WWOX: variants seen among roughly 807,000 people sequenced by gnomAD.
WWOX encodes WW domain containing oxidoreductase, also known as WW domain-containing oxidoreductase.
A neutral mutation model predicts 46.2 loss-of-function variants in WWOX; 69 were observed. That is an observed-to-expected ratio of 1.49 (90% CI 1.23 to 1.82). The LOEUF is 1.82. Ranked by LOEUF, WWOX falls within the 40% of genes most tolerant of loss-of-function variation. WWOX has a pLI of 0.00. For synonymous variants in WWOX, 359 were observed against 202.6 expected, an observed-to-expected ratio of 1.77 and a Z score of -6.56; for missense variants, 919 against 542.6, an observed-to-expected ratio of 1.69 and a Z score of -6.89.
chr16:78,133,199 T>TAAA (rs1484136670), intron 4 of WWOX, among the ~76,000 whole-genome samples: 1 of 152,214 alleles, frequency 6.6e-6, no homozygotes, highest in Non-Finnish European at 1.5e-5. Context: ...GGATGCTTTT[T>TAAA]AAAAAACCTT....
intron 8 of WWOX, among the ~76,000 whole-genome samples, chr16:79,104,049 G>C (rs577475431): frequency 1.9e-5 from 2 of 102,866 alleles, no homozygotes; most frequent in Non-Finnish European, 2.0e-5. Context: ...GGGGGGGGGG[G>C]GCGGGTGGTG....
chr16:78,410,719 C>A (rs59649684), intron 6 of WWOX, among the ~76,000 whole-genome samples: 1 of 148,716 alleles, frequency 6.7e-6, no homozygotes, highest in Non-Finnish European at 1.5e-5. Flanking sequence ...GGCTGGAGAA[C>A]AGCTTCAAAA....
intron 5 of WWOX, among the ~76,000 whole-genome samples, chr16:78,366,427 G>A (rs2081537892): frequency 6.6e-6 from 1 of 152,236 alleles, no homozygotes; most frequent in Middle Eastern, 3.4e-3. Context: ...TAAAACAACA[G>A]ACACTCTAAG....
At chr16:78,364,293 G>A (rs1378731998) in intron 5 of WWOX, among the ~76,000 whole-genome samples, 2 of 152,188 alleles carry the variant, frequency 1.3e-5, no homozygotes, top group Non-Finnish European at 2.9e-5. Flanking sequence ...AGCCACTAAA[G>A]GGGGAATTGG....
intron 8 of WWOX, among the ~76,000 whole-genome samples, chr16:78,948,006 A>T (rs1222787448): frequency 6.6e-6 from 1 of 152,154 alleles, no homozygotes; most frequent in Non-Finnish European, 1.5e-5. Context: ...AGGCAGAGGG[A>T]GGAAGGGTGG....
At chr16:78,353,092 C>A (rs998237611) in intron 5 of WWOX, among the ~76,000 whole-genome samples, 2 of 147,352 alleles carry the variant, frequency 1.4e-5, no homozygotes, top group African/African-American at 5.4e-5. Flanking sequence ...AAATAAAATA[C>A]TGTCTGTTTT....
intron 8 of WWOX, among the ~76,000 whole-genome samples, chr16:79,106,961 C>A (rs2049323072): frequency 6.6e-6 from 1 of 152,056 alleles, no homozygotes; most frequent in Middle Eastern, 3.4e-3. Flanking sequence ...GTGCCCCCCG[C>A]AACCATGTCC....
intron 8 of WWOX, among the ~76,000 whole-genome samples, chr16:78,926,489 C>T (rs1452054928): frequency 6.6e-6 from 1 of 152,170 alleles, no homozygotes; most frequent in Non-Finnish European, 1.5e-5. Context: ...GTTTCTCCAT[C>T]CTTGTCTTTG....
intron 8 of WWOX, among the ~76,000 whole-genome samples, chr16:78,731,948 T>C (rs1353613325): frequency 6.6e-6 from 1 of 150,704 alleles, no homozygotes; most frequent in Non-Finnish European, 1.5e-5. Flanking sequence ...CTGGGCTCAA[T>C]TGATCCTCCT....
At chr16:78,713,359 C>G (rs75510640) in intron 8 of WWOX, among the ~76,000 whole-genome samples, 42 of 144,144 alleles carry the variant, frequency 2.9e-4, no homozygotes, top group African/African-American at 9.2e-4. Context: ...GAGTAGACAA[C>G]TAGTTCATGG....
At chr16:78,683,879 T>A (rs918916741) in intron 8 of WWOX, among the ~76,000 whole-genome samples, 1 of 152,198 alleles carries the variant, frequency 6.6e-6, no homozygotes, top group African/African-American at 2.4e-5. Context: ...GAGTTTTACT[T>A]GTGCCACCTC....
intron 8 of WWOX, among the ~76,000 whole-genome samples, chr16:78,969,395 G>C (rs575687120): frequency 2.0e-5 from 3 of 151,776 alleles, no homozygotes; most frequent in African/African-American, 7.3e-5. Context: ...TCAGCCTCCC[G>C]AGTAGCTGGG....
chr16:79,009,124 G>T (rs2047249854), intron 8 of WWOX, among the ~76,000 whole-genome samples: 1 of 152,196 alleles, frequency 6.6e-6, no homozygotes. Flanking sequence ...GCCCTTCCAG[G>T]CTTAATGGAT....
chr16:78,132,262 G>A (rs934102372), intron 4 of WWOX, among the ~76,000 whole-genome samples: 1 of 151,732 alleles, frequency 6.6e-6, no homozygotes, highest in Non-Finnish European at 1.5e-5. Flanking sequence ...TCCTGACCTC[G>A]TGATCTGCCC....
chr16:79,178,007 A>G (rs2050835472), intron 8 of WWOX, among the ~76,000 whole-genome samples: 1 of 152,084 alleles, frequency 6.6e-6, no homozygotes, highest in Non-Finnish European at 1.5e-5. Context: ...TTGCTGTGTC[A>G]ACTTAGTGGG....
rs1427203378 is a variant in WWOX at position 78,129,272 on chromosome 16, C to T, written c.409+14118C>T. On this transcript the variant is annotated intron_variant, in intron 4 of 8. Coordinates refer to ENST00000566780, the MANE Select transcript of WWOX (RefSeq NM_016373.4). The stretch of plus-strand genomic sequence containing the variant: ...CGACGCTGTTAGTGATTGACTTACC[C>T]GAGTGTACACATGTTTGCATCTCAC... Among the ~76,000 whole-genome samples the T allele has an allele frequency of 3.4e-5, 5 of 147,906 alleles. No individual in the cohort carries two copies. The Admixed American group carries it at 3.4e-4, about 10-fold the overall frequency.
chr16:78,631,749 C>T (rs762279422), intron 8 of WWOX, among the ~76,000 whole-genome samples: 11 of 152,248 alleles, frequency 7.2e-5, no homozygotes, highest in Non-Finnish European at 1.2e-4. Flanking sequence ...TAGTCTCTAA[C>T]TCCTGGGCTC....
chr16:78,955,007 C>T (rs369161304), intron 8 of WWOX, among the ~76,000 whole-genome samples: 19 of 152,250 alleles, frequency 1.2e-4, no homozygotes, highest in African/African-American at 4.3e-4. Context: ...CCAGGCTTAT[C>T]TCAAACTCCT....
At chr16:78,292,613 A>G (rs1027950874) in intron 5 of WWOX, among the ~76,000 whole-genome samples, 1 of 152,012 alleles carries the variant, frequency 6.6e-6, no homozygotes, top group African/African-American at 2.4e-5. Context: ...ATTATGTTCT[A>G]TATCTTTTTT....
Sources: allele counts gnomAD v4.1 joint callset (sites outside exome capture counted in the v4.1 genomes callset), GRCh38; gene constraint gnomAD v4.1.1; transcripts MANE v1.5; gene names NCBI Gene and HGNC (gene_info 2026-07-23, HGNC 2026-07-21).